The following CNTNAP3 variants were observed in gnomAD, a reference collection of about 807,000 sequenced individuals.
The protein encoded by CNTNAP3 is contactin associated protein family member 3.
In CNTNAP3, 36 loss-of-function variants were observed where a neutral mutation model predicts 92.1. The ratio of observed to expected loss-of-function variants is 0.39; its 90% confidence interval spans 0.30 to 0.52. The LOEUF (loss-of-function observed/expected upper bound fraction) is 0.52. Ranked by LOEUF, CNTNAP3 falls within the 20% of genes least tolerant of loss-of-function variation. The pLI is 0.76. For missense variants in CNTNAP3, 534 were observed against 1,069.6 expected (o/e 0.50, Z 6.98); for synonymous variants, 232 against 422.3 (o/e 0.55, Z 5.53).
intron 23 of CNTNAP3, 176 bp downstream of exon 23, chr9:39,078,209 A>G: frequency 7.3e-7 from 1 of 1,364,576 alleles, no homozygotes; most frequent in Non-Finnish European, 1.0e-6. Context: ...TCTTGTCTCA[A>G]ATAGAAAAAA....
chr9:39,141,418 A>T (rs1188050281), intron 11 of CNTNAP3, among the ~76,000 whole-genome samples: 1 of 152,224 alleles, frequency 6.6e-6, no homozygotes, highest in Admixed American at 6.5e-5. Context: ...TCTCATCATT[A>T]AAAAATAATT....
At chr9:39,148,937 C>A (rs1465614943) in intron 10 of CNTNAP3, among the ~76,000 whole-genome samples, 1 of 152,028 alleles carries the variant, frequency 6.6e-6, no homozygotes, top group Non-Finnish European at 1.5e-5. Context: ...CAGGTGTGAC[C>A]CTATGATTCT....
At chr9:39,080,830 T>G (rs1225109233) in intron 21 of CNTNAP3, among the ~76,000 whole-genome samples, 3 of 137,982 alleles carry the variant, frequency 2.2e-5, no homozygotes, top group South Asian at 2.4e-4. Flanking sequence ...CCCAGCTAAT[T>G]TTTTTTGTGT....
intron 23 of CNTNAP3, among the ~76,000 whole-genome samples, chr9:39,076,101 G>C (rs1453742997): frequency 3.7e-4 from 56 of 152,308 alleles, no homozygotes; most frequent in African/African-American, 1.3e-3. Flanking sequence ...CTCAGCGGAA[G>C]AGAACACTGC....
At chr9:39,081,288 CCTGT>C (rs550426052) in intron 21 of CNTNAP3, among the ~76,000 whole-genome samples, 185 of 151,606 alleles carry the variant, frequency 1.2e-3, no homozygotes, top group African/African-American at 4.3e-3. Flanking sequence ...GATACAGTTT[CCTGT>C]CTATTACCTT....
intron 12 of CNTNAP3, among the ~76,000 whole-genome samples, chr9:39,137,416 T>G (rs2778161): frequency 6.6e-6 from 1 of 152,214 alleles, no homozygotes; most frequent in Non-Finnish European, 1.5e-5. Flanking sequence ...ATCTATTTTA[T>G]CCATTACAGC....
chr9:39,137,570 T>C (rs1821471530), intron 12 of CNTNAP3, among the ~76,000 whole-genome samples: 2 of 152,172 alleles, frequency 1.3e-5, no homozygotes, highest in Non-Finnish European at 1.5e-5. Context: ...TGGAGTTCAG[T>C]GGCATGATCT....
chr9:39,123,563 C>T (rs992161696), intron 13 of CNTNAP3, among the ~76,000 whole-genome samples: 1 of 151,530 alleles, frequency 6.6e-6, no homozygotes, highest in South Asian at 2.1e-4. Context: ...TCAGCAAACA[C>T]CAAGCAGGTT....
chr9:39,133,587 A>T (rs975509787), intron 12 of CNTNAP3, among the ~76,000 whole-genome samples: 9 of 152,032 alleles, frequency 5.9e-5, no homozygotes, highest in African/African-American at 2.2e-4. Flanking sequence ...GTATGATAGG[A>T]AGCAGCTCTA....
At chr9:39,092,567 T>G (rs910490071) in intron 18 of CNTNAP3, among the ~76,000 whole-genome samples, 1 of 137,810 alleles carries the variant, frequency 7.3e-6, no homozygotes, top group Admixed American at 7.0e-5. Flanking sequence ...TTTCATCTCA[T>G]TGTGTTTTAA....
chr9:39,287,401 T>C (rs1823050884), intron 1 of CNTNAP3, among the ~76,000 whole-genome samples: 1 of 25,724 alleles, frequency 3.9e-5, no homozygotes, highest in Admixed American at 4.4e-4. Context: ...CTTTCTACTA[T>C]GAGAAACGAA....
At position 39,132,906 on chromosome 9, in the gene CNTNAP3, C is replaced by CT. The variant is rs770529876; in HGVS notation, c.2080+25dup. On this transcript the variant is annotated intron_variant, in intron 13 of 23. Coordinates refer to ENST00000297668, the MANE Select transcript of CNTNAP3 (RefSeq NM_033655.5). ...GGCCGCGCCCCGGCCCCGTGAACCC[C>CT]TGTAGCCTCCAGGAGTGGCGCTTAC... 4 of 1,532,822 alleles carry CT rather than the reference C, an allele frequency of 2.6e-6. No homozygotes were observed. In the South Asian group the frequency reaches 3.6e-5, roughly 14 times the overall value. The allele number at this position is 1,532,822 out of a possible 1,614,324, so 95.0% of individuals were successfully genotyped here. A position where few individuals can be genotyped will look rare whatever the true frequency, so the allele number is the denominator to read the frequency against.
At chr9:39,145,187 C>G (rs1363848962) in intron 10 of CNTNAP3, among the ~76,000 whole-genome samples, 7 of 139,322 alleles carry the variant, frequency 5.0e-5, no homozygotes, top group Non-Finnish European at 1.1e-4. Context: ...GCACCTGACA[C>G]AGAGTGTCAC....
intron 16 of CNTNAP3, among the ~76,000 whole-genome samples, 176 bp from the exon 17 acceptor site, chr9:39,102,891 C>T (rs1194510345): frequency 6.6e-6 from 1 of 152,088 alleles, no homozygotes; most frequent in Non-Finnish European, 1.5e-5. Context: ...TGGAGGAAAA[C>T]AGAACGGATT....
intron 9 of CNTNAP3, among the ~76,000 whole-genome samples, chr9:39,162,665 G>C (rs993939809): frequency 8.5e-6 from 1 of 117,472 alleles, no homozygotes; most frequent in African/African-American, 3.7e-5. Flanking sequence ...GTCATTTCTA[G>C]CAACATGGAT....
chr9:39,129,029 A>G (rs918077952), intron 13 of CNTNAP3, among the ~76,000 whole-genome samples: 9 of 152,128 alleles, frequency 5.9e-5, no homozygotes, highest in African/African-American at 1.9e-4. Flanking sequence ...TCTCATGTTC[A>G]TGGATTGGAA....
At chr9:39,107,079 C>A (rs1334128214) in intron 15 of CNTNAP3, among the ~76,000 whole-genome samples, 1 of 151,884 alleles carries the variant, frequency 6.6e-6, no homozygotes, top group Non-Finnish European at 1.5e-5. Flanking sequence ...AGATGAATGT[C>A]GAGAAGAATT....
chr9:39,106,424 A>C (rs1692858), intron 15 of CNTNAP3: 1 of 151,044 alleles, frequency 6.6e-6, no homozygotes, highest in African/African-American at 2.4e-5. Flanking sequence ...CCTAGTTGCT[A>C]GGACTACAGG....
chr9:39,117,944 C>T, intron 14 of CNTNAP3, 159 bp downstream of exon 14: 1 of 1,343,114 alleles, frequency 7.4e-7, no homozygotes, highest in Middle Eastern at 2.7e-4. Context: ...AAATTTAATC[C>T]TTAGATTAAC....
Sources: gnomAD v4.1 joint callset for allele counts (sites outside exome capture counted in the v4.1 genomes callset) on GRCh38, gnomAD v4.1.1 for gene constraint, MANE v1.5 for transcripts, NCBI Gene and HGNC (gene_info 2026-07-23, HGNC 2026-07-21) for gene names.